ANO10: variants seen among roughly 807,000 people sequenced by gnomAD.
The protein encoded by ANO10 is anoctamin 10.
ANO10 carries 77 observed loss-of-function variants against 74.7 expected under a neutral mutation model. The observed-to-expected ratio is 1.03, with a 90% CI of 0.86 to 1.25. The LOEUF (loss-of-function observed/expected upper bound fraction) is 1.25. Ranked by LOEUF, ANO10 falls within the 50% of genes most tolerant of loss-of-function variation. The pLI is 0.00. For synonymous variants in ANO10, 279 were observed against 284.9 expected (o/e 0.98, Z 0.21); for missense variants, 721 against 778.1 (o/e 0.93, Z 0.87).
chr3:43,594,358 G>T (rs576122820), intron 4 of ANO10, among the ~76,000 whole-genome samples: 3 of 152,146 alleles, frequency 2.0e-5, no homozygotes, highest in Non-Finnish European at 4.4e-5. Context: ...CACATAGTCG[G>T]AAGTAAAGTA....
rs944684812 is a variant in ANO10, at chr3:43,621,977, A to C, written c.-80T>G. The stretch of plus-strand genomic sequence containing the variant: ...CCGGCGAGAACCGGAGGCCGGGCGA[A>C]AGAGTGCTCGGTGCGGGGGGCGGGC... On this transcript the variant is annotated 5_prime_UTR_variant, in exon 1 of 13. Transcript: ENST00000292246. The C allele has an allele frequency of 3.3e-5, 5 of 152,554 alleles. No individual in the cohort carries two copies. Among genetic ancestry groups the C allele is most frequent in the African/African-American group, 4.8e-5 (2 of 41,446 alleles). 9.5% of individuals were successfully genotyped at this position (152,554 alleles called of 1,614,324 possible). A position where few individuals can be genotyped will look rare whatever the true frequency, so the allele number is the denominator to read the frequency against.
At chr3:43,382,895 C>CA (rs1203213659) in intron 12 of ANO10, among the ~76,000 whole-genome samples, 3 of 151,618 alleles carry the variant, frequency 2.0e-5, no homozygotes, top group Non-Finnish European at 4.4e-5. Context: ...ATGTTACCAA[C>CA]AAAAAAAAGA....
intron 7 of ANO10, among the ~76,000 whole-genome samples, chr3:43,570,427 C>G (rs1348411826): frequency 1.3e-5 from 2 of 151,314 alleles, no homozygotes; most frequent in African/African-American, 4.8e-5. Context: ...TACCTGACTT[C>G]AAACTATACT....
chr3:43,509,134 C>T lies in ANO10; in HGVS notation c.1797+40586G>A, dbSNP rs150625699. 3.6e-3 allele frequency among the ~76,000 whole-genome samples: 542 copies of T among 151,808 alleles called. 2 individuals carry two copies. The highest frequency in any genetic ancestry group is 5.9e-3 in the Non-Finnish European group (403 of 67,938). On this transcript the variant is annotated intron_variant, in intron 11 of 12. Coordinates refer to ENST00000292246, the MANE Select transcript of ANO10 (RefSeq NM_018075.5). ...ATTGCAAGGACAGAAAACCAAACAC[C>T]GCATGTTCTCAGTCATACATGGGAA...
chr3:43,392,789 A>T (rs968979014), intron 12 of ANO10, among the ~76,000 whole-genome samples: 1 of 151,976 alleles, frequency 6.6e-6, no homozygotes, highest in African/African-American at 2.4e-5. Context: ...AGCCAAATGC[A>T]TTTAAGTTGT....
intron 12 of ANO10, among the ~76,000 whole-genome samples, chr3:43,410,875 A>G (rs910975060): frequency 1.3e-5 from 2 of 151,882 alleles, no homozygotes; most frequent in African/African-American, 4.8e-5. Flanking sequence ...GAATGTTTTC[A>G]GATGGAGAAT....
At chr3:43,591,152 C>T (rs1179678035) in intron 4 of ANO10, among the ~76,000 whole-genome samples, 1 of 152,200 alleles carries the variant, frequency 6.6e-6, no homozygotes, top group Non-Finnish European at 1.5e-5. Context: ...TCTTCTGGTC[C>T]GTGTTTGCTC....
intron 1 of ANO10, among the ~76,000 whole-genome samples, chr3:43,631,482 C>G (rs1023192588): frequency 1.3e-5 from 2 of 152,112 alleles, no homozygotes; most frequent in Admixed American, 1.3e-4. Flanking sequence ...ACCAGAGTTG[C>G]CAACTGATTT....
intron 12 of ANO10, among the ~76,000 whole-genome samples, chr3:43,399,825 C>G (rs2092447817): frequency 6.6e-6 from 1 of 152,120 alleles, no homozygotes; most frequent in African/African-American, 2.4e-5. Flanking sequence ...TCCTTGCATC[C>G]CCTTCTTATG....
intron 11 of ANO10, among the ~76,000 whole-genome samples, chr3:43,434,614 A>AT (rs1394397713): frequency 6.6e-6 from 1 of 152,146 alleles, no homozygotes; most frequent in Admixed American, 6.5e-5. Flanking sequence ...ATCTGTACCC[A>AT]TTTCCTCTTC....
At chr3:43,540,615 A>G (rs777134634) in intron 11 of ANO10, among the ~76,000 whole-genome samples, 13 of 152,210 alleles carry the variant, frequency 8.5e-5, no homozygotes, top group Non-Finnish European at 1.8e-4. Context: ...TACCACACAT[A>G]AACAGATTTG....
intron 11 of ANO10, among the ~76,000 whole-genome samples, chr3:43,508,711 G>T (rs192736047): frequency 6.6e-6 from 1 of 151,046 alleles, no homozygotes; most frequent in Non-Finnish European, 1.5e-5. Flanking sequence ...ACCAAACACC[G>T]CATGTTCTCA....
At chr3:43,498,612 G>A (rs2076994184) in intron 11 of ANO10, among the ~76,000 whole-genome samples, 1 of 152,176 alleles carries the variant, frequency 6.6e-6, no homozygotes, top group South Asian at 2.1e-4. Context: ...TAGCACAGAG[G>A]AAACCCAGCC....
chr3:43,603,653 T>A (rs1056685102), intron 2 of ANO10, among the ~76,000 whole-genome samples: 1 of 152,226 alleles, frequency 6.6e-6, no homozygotes, highest in African/African-American at 2.4e-5. Context: ...TTTTATTACA[T>A]GTTCACGTTT....
At chr3:43,482,226 C>G (rs1310401919) in intron 11 of ANO10, among the ~76,000 whole-genome samples, 1 of 152,088 alleles carries the variant, frequency 6.6e-6, no homozygotes, top group Non-Finnish European at 1.5e-5. Flanking sequence ...CCGCCCCCAG[C>G]CAATTGATGT....
intron 12 of ANO10, among the ~76,000 whole-genome samples, chr3:43,432,201 T>A (rs901522066): frequency 6.6e-6 from 1 of 151,852 alleles, no homozygotes; most frequent in African/African-American, 2.4e-5. Flanking sequence ...TTTTGCTGCT[T>A]CTACACACCT....
chr3:43,471,160 G>C (rs1355754231), intron 11 of ANO10, among the ~76,000 whole-genome samples: 1 of 151,978 alleles, frequency 6.6e-6, no homozygotes, highest in Admixed American at 6.6e-5. Flanking sequence ...AAAATATTTA[G>C]AAAACACTTT....
At chr3:43,450,783 TTTTTGTAA>T (rs1256250659) in intron 11 of ANO10, among the ~76,000 whole-genome samples, 4 of 152,236 alleles carry the variant, frequency 2.6e-5, no homozygotes, top group Non-Finnish European at 5.9e-5. Flanking sequence ...TTATGTCATC[TTTTTGTAA>T]TGTAACAGAT....
chr3:43,474,245 AC>A (rs2075979489), intron 11 of ANO10, among the ~76,000 whole-genome samples: 1 of 126,684 alleles, frequency 7.9e-6, no homozygotes, highest in Admixed American at 9.2e-5. Context: ...TTCCTTTTTC[AC>A]ATTAGAAGAT....
Sources: allele counts gnomAD v4.1 joint callset (sites outside exome capture counted in the v4.1 genomes callset), GRCh38; gene constraint gnomAD v4.1.1; transcripts MANE v1.5; gene names NCBI Gene and HGNC (gene_info 2026-07-23, HGNC 2026-07-21).